Variants in FOXN3 observed in about 807,000 individuals in gnomAD.
FOXN3 encodes the protein forkhead box protein N3.
A neutral mutation model predicts 38.4 loss-of-function variants in FOXN3; 7 were observed. The observed-to-expected ratio is 0.18, with a 90% CI of 0.10 to 0.34. FOXN3 has a LOEUF of 0.34. FOXN3 is among the 10% of genes least tolerant of loss of function. The probability of loss-of-function intolerance (pLI) is 1.00; values close to 1 mark genes in which losing one functional copy is unlikely to be tolerated. For missense variants in FOXN3, 456 were observed against 613.4 expected, an observed-to-expected ratio of 0.74 and a Z score of 2.71; for synonymous variants, 230 against 242.2, an observed-to-expected ratio of 0.95 and a Z score of 0.47.
At chr14:89,424,065 A>G (rs2140108462) in intron 1 of FOXN3, among the ~76,000 whole-genome samples, 1 of 152,362 alleles carries the variant, frequency 6.6e-6, no homozygotes, top group East Asian at 1.9e-4. Flanking sequence ...GCAACAATGT[A>G]TTTAGGAGGA....
chr14:89,241,284 T>A (rs1885132740), intron 4 of FOXN3, among the ~76,000 whole-genome samples: 1 of 152,252 alleles, frequency 6.6e-6, no homozygotes, highest in Admixed American at 6.5e-5. Flanking sequence ...AAATATTACT[T>A]GGCCTGTAAA....
intron 1 of FOXN3, among the ~76,000 whole-genome samples, chr14:89,507,083 C>T (rs937379845): frequency 1.3e-5 from 2 of 150,322 alleles, no homozygotes; most frequent in Non-Finnish European, 3.0e-5. Flanking sequence ...TATGACCCTG[C>T]CAAATCCCCC....
intron 1 of FOXN3, among the ~76,000 whole-genome samples, chr14:89,506,321 A>G (rs1421369065): frequency 6.0e-5 from 2 of 33,442 alleles, no homozygotes; most frequent in Non-Finnish European, 8.9e-5. Context: ...TCCGGGAGGG[A>G]GGTGGGGGGG....
intron 4 of FOXN3, among the ~76,000 whole-genome samples, chr14:89,188,183 G>T (rs935498899): frequency 1.3e-5 from 2 of 152,140 alleles, no homozygotes; most frequent in Non-Finnish European, 1.5e-5. Context: ...TGAACACTGA[G>T]CTTGTAAAAC....
rs945208228 is a variant in FOXN3 at position 89,584,707 on chromosome 14, C to T, written c.-15+34321G>A. Reference sequence around the variant, plus strand: ...GTCTTTTCTCTTCTTTTCTTCTCTTCTCTTTTCTTTTCTTTTTTCTTTTTT... The same window carrying T: ...GTCTTTTCTCTTCTTTTCTTCTCTTTTCTTTTCTTTTCTTTTTTCTTTTTT... On this transcript the variant is annotated intron_variant, in intron 1 of 6. Transcript: ENST00000345097. 5.3e-5 allele frequency among the ~76,000 whole-genome samples: 8 copies of T among 151,854 alleles called. No individual in the cohort carries two copies. In the South Asian group the frequency reaches 1.7e-3, roughly 32 times the overall value.
chr14:89,592,114 A>G (rs1200162619), intron 1 of FOXN3, among the ~76,000 whole-genome samples: 1 of 152,180 alleles, frequency 6.6e-6, no homozygotes, highest in Non-Finnish European at 1.5e-5. Flanking sequence ...TATGAAGGAA[A>G]AAGAATTCCA....
rs1218786960 is a variant in FOXN3 at position 89,548,776 on chromosome 14, G to GT, written c.-15+70251dup. Among the ~76,000 whole-genome samples the GT allele has an allele frequency of 1.3e-5, 2 of 152,104 alleles. No individual in the cohort carries two copies. Among genetic ancestry groups the GT allele is most frequent in the Admixed American group, 6.6e-5 (1 of 15,266 alleles). On this transcript the variant is annotated intron_variant, in intron 1 of 6. Transcript: ENST00000345097. This position sits in a 1 kb window ranked among gnomAD's most constrained non-coding sequence, Gnocchi z 4.8. Reference sequence around the variant, plus strand: ...AAATACCTGCTCACAGCCAATACTGGTCAGTGACAAAGTTTTCAAAATGAG... The same window carrying GT: ...AAATACCTGCTCACAGCCAATACTGGTTCAGTGACAAAGTTTTCAAAATGAG...
intron 1 of FOXN3, among the ~76,000 whole-genome samples, chr14:89,588,951 C>CT (rs1232324951): frequency 6.6e-6 from 1 of 152,170 alleles, no homozygotes; most frequent in Non-Finnish European, 1.5e-5. Context: ...AAACACACAT[C>CT]TTTTAAAGGG....
At position 89,316,367 on chromosome 14, in the gene FOXN3, CAAT is replaced by C. The variant is rs900660577; in HGVS notation, c.680+34302_680+34304del. ...CCAACATACAGAACTGCTGAGCAAA[CAAT>C]GATTCTTCTTCTTCTTCTTTTTTGA... On this transcript the variant is annotated intron_variant, in intron 3 of 5. Transcript: ENST00000557258. Among the ~76,000 whole-genome samples the C allele has an allele frequency of 5.6e-5, 8 of 142,448 alleles. No homozygotes were observed. The Middle Eastern group carries it at 0.011, about 191-fold the overall frequency. The allele number at this position is 142,448 out of a possible 152,430, so 93.5% of individuals were successfully genotyped here.
chr14:89,506,518 C>G (rs900144230), intron 1 of FOXN3, among the ~76,000 whole-genome samples: 4 of 149,954 alleles, frequency 2.7e-5, no homozygotes, highest in Admixed American at 6.6e-5. Context: ...GTCAGCCCCC[C>G]GCCTGGCCAG....
At chr14:89,207,234 T>G (rs1362249570) in intron 4 of FOXN3, among the ~76,000 whole-genome samples, 1 of 151,052 alleles carries the variant, frequency 6.6e-6, no homozygotes, top group Admixed American at 6.6e-5. Flanking sequence ...CAAAACAAAA[T>G]AAAGCAAAAC....
intron 1 of FOXN3, among the ~76,000 whole-genome samples, chr14:89,536,800 A>G (rs1252651964): frequency 2.6e-5 from 4 of 152,128 alleles, no homozygotes; most frequent in Non-Finnish European, 4.4e-5. Flanking sequence ...AAAAATTTAA[A>G]AAGATTTTTA....
chr14:89,281,975 C>T (rs775023140), intron 3 of FOXN3, among the ~76,000 whole-genome samples: 5 of 152,106 alleles, frequency 3.3e-5, no homozygotes, highest in Admixed American at 6.5e-5. Context: ...GAAACACACA[C>T]GCACACACAC....
chr14:89,601,157 C>T (rs60996782), intron 1 of FOXN3, among the ~76,000 whole-genome samples: 8,865 of 152,172 alleles, frequency 0.058, 473 homozygotes, highest in African/African-American at 0.14. Flanking sequence ...ATAGACTCAC[C>T]ATGTCTTGTA....
intron 5 of FOXN3, among the ~76,000 whole-genome samples, chr14:89,171,586 G>T (rs146362697): frequency 6.6e-6 from 1 of 151,978 alleles, no homozygotes; most frequent in Admixed American, 6.6e-5. Flanking sequence ...TGCAAGTTTT[G>T]TTCAAAACGA....
chr14:89,583,236 C>T (rs1006299308), intron 1 of FOXN3, among the ~76,000 whole-genome samples: 7 of 152,104 alleles, frequency 4.6e-5, no homozygotes, highest in Non-Finnish European at 1.0e-4. Flanking sequence ...AATGTTTTTG[C>T]CCCTCAAAAT....
chr14:89,492,328 C>G (rs1191743845), intron 1 of FOXN3, among the ~76,000 whole-genome samples: 1 of 152,136 alleles, frequency 6.6e-6, no homozygotes, highest in East Asian at 1.9e-4. Flanking sequence ...GGCATGGGGA[C>G]AGAGGTCTGC....
At chr14:89,567,438 GTA>G (rs1191489598) in intron 1 of FOXN3, among the ~76,000 whole-genome samples, 2,710 of 127,502 alleles carry the variant, frequency 0.021, 150 homozygotes, top group Middle Eastern at 0.036. Context: ...GTACAAAGTG[GTA>G]CTAAGGGAAG....
At chr14:89,236,157 G>A (rs1431360972) in intron 4 of FOXN3, among the ~76,000 whole-genome samples, 2 of 152,182 alleles carry the variant, frequency 1.3e-5, no homozygotes, top group African/African-American at 4.8e-5. Context: ...TCTCCCTAGA[G>A]GCCCAACCTA....
Sources: allele counts gnomAD v4.1 joint callset (sites outside exome capture counted in the v4.1 genomes callset), GRCh38; gene constraint gnomAD v4.1.1; non-coding constraint Gnocchi (gnomAD v3.1); transcripts MANE v1.5; gene names NCBI Gene and HGNC (gene_info 2026-07-23, HGNC 2026-07-21).